Variants in RFX4 observed in about 807,000 individuals in gnomAD.
RFX4 encodes regulatory factor X4.
RFX4 carries 10 observed loss-of-function variants against 95.0 expected under a neutral mutation model. The observed-to-expected ratio is 0.11, with a 90% confidence interval of 0.06 to 0.18. The LOEUF (loss-of-function observed/expected upper bound fraction) is 0.18. Among genes scored for constraint, RFX4 ranks in the 10% least tolerant of loss-of-function variants. RFX4 has a pLI of 1.00. For synonymous variants in RFX4, 321 were observed against 340.7 expected (o/e 0.94, Z 0.64); for missense variants, 640 against 922.0 (o/e 0.69, Z 3.96).
At chr12:106,688,123 G>A (rs2041701519) in intron 6 of RFX4, among the ~76,000 whole-genome samples, 1 of 138,904 alleles carries the variant, frequency 7.2e-6, no homozygotes, top group South Asian at 2.3e-4. Context: ...AGCCTAGAGT[G>A]CAGTGGCGCA....
At chr12:106,746,895 T>G (rs1233006557) in intron 15 of RFX4, among the ~76,000 whole-genome samples, 1 of 152,176 alleles carries the variant, frequency 6.6e-6, no homozygotes, top group African/African-American at 2.4e-5. Context: ...TCCCTTCCCT[T>G]TTCTCCCTTC....
intron 15 of RFX4, among the ~76,000 whole-genome samples, chr12:106,735,415 C>T (rs1259769443): frequency 6.6e-6 from 1 of 151,804 alleles, no homozygotes; most frequent in Non-Finnish European, 1.5e-5. Context: ...CTTTTTAGAC[C>T]AAAAGCTCTC....
chr12:106,639,467 T>C, intron 3 of RFX4, 75 bp downstream of exon 3: 1 of 1,325,194 alleles, frequency 7.5e-7, no homozygotes. Flanking sequence ...AGGATATCAC[T>C]TGGATATTTT....
chr12:106,583,131 T>TTTTTTTTTTCCTC lies in RFX4; in HGVS notation c.-189_-188insTTTTTTTTCCTCT. 2.1e-6 allele frequency: 1 copy of TTTTTTTTTTCCTC among 466,400 alleles called. No homozygotes were observed. Among genetic ancestry groups the TTTTTTTTTTCCTC allele is most frequent in the East Asian group, 3.7e-5 (1 of 27,198 alleles). 28.9% of individuals were successfully genotyped at this position (466,400 alleles called of 1,614,324 possible). On this transcript the variant is annotated 5_prime_UTR_variant, in exon 1 of 18. Coordinates refer to ENST00000392842, the MANE Select transcript of RFX4 (RefSeq NM_213594.3). The stretch of plus-strand genomic sequence containing the variant: ...CTCCCTCTCTCTCCTCTTTTCTTCT[T>TTTTTTTTTTCCTC]TCTCTTTTCTTTCCTCTTCTTTTTC...
chr12:106,751,401 G>T (rs1024683999), intron 17 of RFX4, among the ~76,000 whole-genome samples: 153 of 150,238 alleles, frequency 1.0e-3, no homozygotes, highest in Non-Finnish European at 1.9e-3. Context: ...AAACATACGT[G>T]TGCATGTGTC....
At chr12:106,591,556 G>A (rs987197085) in intron 1 of RFX4, among the ~76,000 whole-genome samples, 2 of 152,078 alleles carry the variant, frequency 1.3e-5, no homozygotes, top group African/African-American at 2.4e-5. Flanking sequence ...GTGAGCCATC[G>A]CGTCCGGCTA....
chr12:106,739,597 G>C (rs746347776), intron 15 of RFX4, among the ~76,000 whole-genome samples: 2 of 152,080 alleles, frequency 1.3e-5, no homozygotes, highest in Non-Finnish European at 2.9e-5. Context: ...TTTATTGACT[G>C]TACTTATTAA....
At chr12:106,745,781 T>C (rs190146843) in intron 15 of RFX4, among the ~76,000 whole-genome samples, 47 of 152,336 alleles carry the variant, frequency 3.1e-4, no homozygotes, top group African/African-American at 1.1e-3. Flanking sequence ...ATGTTTTCCA[T>C]GTACCTAAAG....
Position 106,688,424 on chromosome 12 carries a change from T to C in RFX4, c.592-863T>C, listed in dbSNP as rs182931787. ...CAACCCAGTGCTGCTCTAACATGTATTGAGCTTCTACTAAGTCTCCATGTC... is the reference window on the plus strand; with the variant it reads ...CAACCCAGTGCTGCTCTAACATGTACTGAGCTTCTACTAAGTCTCCATGTC... On this transcript the variant is annotated intron_variant, in intron 6 of 17. Coordinates refer to ENST00000392842, the MANE Select transcript of RFX4 (RefSeq NM_213594.3). Among the ~76,000 whole-genome samples the C allele has an allele frequency of 2.4e-4, 37 of 152,268 alleles. 1 individual carries two copies. The East Asian group carries it at 6.2e-3, about 25-fold the overall frequency.
At position 106,747,471 on chromosome 12, in the gene RFX4, C is replaced by T. The variant is rs144669878; in HGVS notation, c.1668C>T (p.Tyr556=). ...AGTCTTACACGTGGTCTCTAACATA[C>T]ACAGTGACGACGGCTGCTGGGTCCC... ...AMQSYTWSLT[Y]TVTTAAGSPA... Residue 556 remains tyrosine, a synonymous_variant, in exon 16 of 18, where the codon TAC becomes TAT. Coordinates refer to ENST00000392842, the MANE Select transcript of RFX4 (RefSeq NM_213594.3). The T allele has an allele frequency of 5.4e-4, 877 of 1,614,188 alleles. 3 individuals are homozygous for T. The highest frequency in any genetic ancestry group is 1.2e-3 in the South Asian group (110 of 91,082).
intron 2 of RFX4, among the ~76,000 whole-genome samples, chr12:106,621,869 C>G (rs565150942): frequency 6.6e-6 from 1 of 152,302 alleles, no homozygotes; most frequent in South Asian, 2.1e-4. Flanking sequence ...GTAGAGCTTA[C>G]TTCTGGTGCT....
At chr12:106,709,478 T>G in intron 9 of RFX4, 48 bp downstream of exon 9, 1 of 1,432,328 alleles carries the variant, frequency 7.0e-7, no homozygotes, top group South Asian at 1.3e-5. Context: ...TACATTTTAG[T>G]GCCAAATATT....
chr12:106,687,950 C>T (rs946318919), intron 6 of RFX4, among the ~76,000 whole-genome samples: 7 of 151,526 alleles, frequency 4.6e-5, no homozygotes, highest in Non-Finnish European at 1.0e-4. Flanking sequence ...AATAGTCTAA[C>T]AGTCAAAGAA....
At chr12:106,716,390 G>A (rs992486604) in intron 11 of RFX4, among the ~76,000 whole-genome samples, 2 of 152,048 alleles carry the variant, frequency 1.3e-5, no homozygotes, top group African/African-American at 4.8e-5. Flanking sequence ...CCACCAAGAA[G>A]AGGGGTCTTT....
chr12:106,691,879 C>G (rs2041790647), intron 7 of RFX4, among the ~76,000 whole-genome samples: 1 of 152,164 alleles, frequency 6.6e-6, no homozygotes, highest in South Asian at 2.1e-4. Flanking sequence ...AAATCTGAGG[C>G]CGGGCGCAGT....
At chr12:106,685,699 G>A (rs2041631739) in intron 5 of RFX4, among the ~76,000 whole-genome samples, 1 of 152,178 alleles carries the variant, frequency 6.6e-6, no homozygotes, top group Non-Finnish European at 1.5e-5. Context: ...TTTTCAGTAG[G>A]ATAGCACTGT....
intron 17 of RFX4, among the ~76,000 whole-genome samples, chr12:106,755,264 T>C (rs2043088746): frequency 6.6e-6 from 1 of 152,132 alleles, no homozygotes; most frequent in Non-Finnish European, 1.5e-5. Context: ...GCCCAGCTGA[T>C]TTTTGTGTTT....
chr12:106,715,341 A>G, intron 10 of RFX4, 59 bp from the exon 11 acceptor site: 2 of 1,568,024 alleles, frequency 1.3e-6, no homozygotes, highest in Non-Finnish European at 1.7e-6. Flanking sequence ...ATAAAAGGAA[A>G]TACAGTGAAA....
At chr12:106,737,416 A>C (rs965555244) in intron 15 of RFX4, among the ~76,000 whole-genome samples, 2 of 151,962 alleles carry the variant, frequency 1.3e-5, no homozygotes, top group African/African-American at 4.8e-5. Flanking sequence ...GAGCAAACTG[A>C]CAGTAACAAT....
Sources: gnomAD v4.1 joint callset for allele counts (sites outside exome capture counted in the v4.1 genomes callset) on GRCh38, gnomAD v4.1.1 for gene constraint, MANE v1.5 for transcripts, NCBI Gene and HGNC (gene_info 2026-07-23, HGNC 2026-07-21) for gene names.